The following PRSS23 variants were observed in gnomAD, a reference collection of about 807,000 sequenced individuals.
PRSS23 encodes serine protease 23.
A neutral mutation model predicts 34.7 loss-of-function variants in PRSS23; 25 were observed. The ratio of observed to expected loss-of-function variants is 0.72; its 90% confidence interval spans 0.53 to 1.01. The LOEUF (loss-of-function observed/expected upper bound fraction) is 1.01. Among genes scored for constraint, PRSS23 ranks in the 50% least tolerant of loss-of-function variants. The pLI, the probability that PRSS23 is intolerant of heterozygous loss-of-function variation, is 0.00. For synonymous variants in PRSS23, 176 were observed against 186.6 expected (o/e 0.94, Z 0.46); for missense variants, 445 against 475.6 (o/e 0.94, Z 0.60).
intron 1 of PRSS23, among the ~76,000 whole-genome samples, chr11:86,803,628 C>G (rs1037901270): frequency 6.6e-6 from 1 of 152,132 alleles, no homozygotes; most frequent in Non-Finnish European, 1.5e-5. Flanking sequence ...TCAGGAAAGA[C>G]CCTTAATGGA....
chr11:86,833,734 T>G (rs181536589), intron 2 of PRSS23, among the ~76,000 whole-genome samples: 2 of 152,228 alleles, frequency 1.3e-5, no homozygotes, highest in African/African-American at 4.8e-5. Flanking sequence ...TGTTTAAAGG[T>G]GGATGCAGTC....
intron 2 of PRSS23, among the ~76,000 whole-genome samples, chr11:86,875,433 C>CA (rs1948716795): frequency 1.3e-5 from 2 of 152,268 alleles, no homozygotes; most frequent in South Asian, 4.2e-4. Context: ...CCAGGCTCAG[C>CA]ACATGATTTT....
At chr11:86,879,297 C>T (rs192913621) in intron 2 of PRSS23, among the ~76,000 whole-genome samples, 16,472 of 144,466 alleles carry the variant, frequency 0.11, 1,775 homozygotes, top group African/African-American at 0.27. Context: ...AGGTGAGGAG[C>T]GTCTCTGCCC....
chr11:86,894,722 A>G (rs893829193), intron 2 of PRSS23, among the ~76,000 whole-genome samples: 4 of 152,204 alleles, frequency 2.6e-5, no homozygotes, highest in African/African-American at 7.2e-5. Context: ...CACAGTGCAG[A>G]TGCCATCCCC....
chr11:86,816,016 G>C (rs1948213089), downstream of PRSS23, among the ~76,000 whole-genome samples: 1 of 152,160 alleles, frequency 6.6e-6, no homozygotes, highest in Non-Finnish European at 1.5e-5. Flanking sequence ...CTGGTTACTA[G>C]AGAAGTTTAG....
chr11:86,946,220 T>A (rs1314023580), intron 2 of PRSS23: 1 of 152,122 alleles, frequency 6.6e-6, no homozygotes, highest in Non-Finnish European at 1.5e-5. Context: ...TTAGTACAAT[T>A]TGAAAACTTT....
rs578011852 is a variant in PRSS23 at position 86,856,439 on chromosome 11, A to G, written c.206+32846A>G. On this transcript the variant is annotated intron_variant, in intron 2 of 2. Coordinates refer to the PRSS23 transcript ENST00000533902. ...CCCCAGGTGATTTCAATCAAAGCCA[A>G]CGTTGAGAACCGAACCGGTGACACG... 4.6e-5 allele frequency among the ~76,000 whole-genome samples: 7 copies of G among 152,282 alleles called. No individual in the cohort carries two copies. In the East Asian group the frequency reaches 1.4e-3, roughly 29 times the overall value.
chr11:86,825,421 T>G (rs189986353), intron 2 of PRSS23, among the ~76,000 whole-genome samples: 6 of 152,326 alleles, frequency 3.9e-5, no homozygotes, highest in African/African-American at 2.4e-5. Flanking sequence ...TTTCTCCCAT[T>G]TTGTAGGTTT....
rs146796126 is a variant in PRSS23 at position 86,805,083 on chromosome 11, A to G, written c.-13-2548A>G. Among the ~76,000 whole-genome samples the G allele has an allele frequency of 5.3e-3, 807 of 152,282 alleles. 3 individuals are homozygous for G. Among genetic ancestry groups the G allele is most frequent in the African/African-American group, 0.018 (762 of 41,556 alleles). On this transcript the variant is annotated intron_variant, in intron 1 of 1. Coordinates refer to ENST00000280258, the MANE Select transcript of PRSS23 (RefSeq NM_007173.6). Reference sequence around the variant, plus strand: ...AACATTCCCCACATTACTCAAAGGGAGGAGAGAATGGTGCGTTGAAGCCCA... The same window carrying G: ...AACATTCCCCACATTACTCAAAGGGGGGAGAGAATGGTGCGTTGAAGCCCA...
exon 3 of PRSS23, chr11:86,951,514 G>C (rs1406405036): frequency 1.9e-6 from 3 of 1,614,060 alleles, no homozygotes; most frequent in East Asian, 2.2e-5. Flanking sequence ...ACCGAATTTT[G>C]AACAAGGCCA....
chr11:86,854,274 A>C (rs563285053), intron 2 of PRSS23, among the ~76,000 whole-genome samples: 17 of 152,158 alleles, frequency 1.1e-4, no homozygotes, highest in Admixed American at 4.6e-4. Context: ...TGCCGGGATT[A>C]CAGGTGTGAG....
intron 2 of PRSS23, among the ~76,000 whole-genome samples, chr11:86,891,432 T>A (rs72959672): frequency 0.037 from 5,641 of 152,178 alleles, 130 homozygotes; most frequent in Non-Finnish European, 0.054. Flanking sequence ...AAGGTACCAG[T>A]GTGTAATTAT....
chr11:86,945,385 T>C (rs1182359423), intron 2 of PRSS23, among the ~76,000 whole-genome samples: 1 of 148,268 alleles, frequency 6.7e-6, no homozygotes, highest in Non-Finnish European at 1.5e-5. Flanking sequence ...AAAAGAGGTG[T>C]CATTGGGATA....
chr11:86,806,556 C>T (rs1266844908), intron 1 of PRSS23, among the ~76,000 whole-genome samples: 1 of 152,138 alleles, frequency 6.6e-6, no homozygotes, highest in Non-Finnish European at 1.5e-5. Flanking sequence ...ACATTTGGTC[C>T]TCTATATTGA....
At chr11:86,857,022 T>A (rs117249944) in intron 2 of PRSS23, 14,398 of 156,804 alleles carry the variant, frequency 0.092, 897 homozygotes, top group Non-Finnish European at 0.13. Context: ...AGATTTAATG[T>A]GGTTGCCCTT....
At position 86,823,330 on chromosome 11, in the gene PRSS23, A is replaced by G. The variant is rs922534184; in HGVS notation, c.-11-47A>G. The stretch of plus-strand genomic sequence containing the variant: ...TAGAATAGCTAACCTAATTTAGTGT[A>G]AAGCCAGGACTTTGAACTTGCTGTC... On this transcript the variant is annotated intron_variant, in intron 1 of 2. Coordinates refer to the PRSS23 transcript ENST00000533902. 3 of 695,606 alleles carry G rather than the reference A, an allele frequency of 4.3e-6. No homozygotes were observed. In the African/African-American group the frequency reaches 5.3e-5, roughly 12 times the overall value. 43.1% of individuals were successfully genotyped at this position (695,606 alleles called of 1,614,324 possible). A position where few individuals can be genotyped will look rare whatever the true frequency, so the allele number is the denominator to read the frequency against.
At chr11:86,937,037 C>T (rs938088789) in intron 2 of PRSS23, 1 of 152,080 alleles carries the variant, frequency 6.6e-6, no homozygotes, top group African/African-American at 2.4e-5. Flanking sequence ...GTACATGTGC[C>T]CTAATAGAGG....
At chr11:86,830,512 C>G (rs1458516718) in intron 2 of PRSS23, among the ~76,000 whole-genome samples, 1 of 152,194 alleles carries the variant, frequency 6.6e-6, no homozygotes, top group Non-Finnish European at 1.5e-5. Context: ...CCTGTGCCCA[C>G]TGTCTGGCAC....
At chr11:86,937,861 C>G (rs1565392207) in intron 2 of PRSS23, 1 of 152,090 alleles carries the variant, frequency 6.6e-6, no homozygotes, top group Non-Finnish European at 1.5e-5. Flanking sequence ...ATCCAGTAAC[C>G]CTCTTTTGGG....
Sources: gnomAD v4.1 joint callset for allele counts (sites outside exome capture counted in the v4.1 genomes callset) on GRCh38, gnomAD v4.1.1 for gene constraint, MANE v1.5 for transcripts, NCBI Gene and HGNC (gene_info 2026-07-23, HGNC 2026-07-21) for gene names.